TRABD2B: variants seen among roughly 807,000 people sequenced by gnomAD.
TRABD2B encodes TraB domain containing 2B, also known as metalloprotease TIKI2.
Under a neutral mutation model 40.1 loss-of-function variants are expected in TRABD2B, and 14 were observed. The ratio of observed to expected loss-of-function variants is 0.35; its 90% CI spans 0.23 to 0.55. The LOEUF (loss-of-function observed/expected upper bound fraction) is 0.55. Among genes scored for constraint, TRABD2B ranks in the 20% least tolerant of loss-of-function variants. The pLI, the probability that TRABD2B is intolerant of heterozygous loss-of-function variation, is 0.90. For synonymous variants in TRABD2B, 263 were observed against 277.0 expected, an observed-to-expected ratio of 0.95 and a Z score of 0.50; for missense variants, 541 against 648.6, an observed-to-expected ratio of 0.83 and a Z score of 1.80.
At chr1:47,878,669 G>A (rs1320625834) in intron 2 of TRABD2B, among the ~76,000 whole-genome samples, 2 of 152,228 alleles carry the variant, frequency 1.3e-5, no homozygotes, top group Non-Finnish European at 2.9e-5. Flanking sequence ...TCTCTTGAGA[G>A]GCAGGGGCCA....
At chr1:47,856,760 T>C (rs182189800) in intron 2 of TRABD2B, among the ~76,000 whole-genome samples, 1 of 152,352 alleles carries the variant, frequency 6.6e-6, no homozygotes, top group African/African-American at 2.4e-5. Flanking sequence ...AAGAGATTTA[T>C]TACTCCCACA....
chr1:47,875,583 AGGCTGAGGTGG>A (rs1644211044), intron 2 of TRABD2B, among the ~76,000 whole-genome samples: 1 of 149,254 alleles, frequency 6.7e-6, no homozygotes, highest in Non-Finnish European at 1.5e-5. Flanking sequence ...GCTACTCAGA[AGGCTGAGGTGG>A]GGGCATCACT....
At chr1:47,901,663 T>C (rs1422348826) in intron 2 of TRABD2B, among the ~76,000 whole-genome samples, 1 of 152,184 alleles carries the variant, frequency 6.6e-6, no homozygotes, top group African/African-American at 2.4e-5. Context: ...ACATAAGAAG[T>C]AACACTGATA....
intron 5 of TRABD2B, among the ~76,000 whole-genome samples, chr1:47,776,293 G>GC (rs1378892179): frequency 1.3e-5 from 2 of 152,186 alleles, no homozygotes; most frequent in Non-Finnish European, 2.9e-5. Flanking sequence ...TGGGTCCACA[G>GC]CCCGGCTCCA....
At position 47,996,692 on chromosome 1, in the gene TRABD2B, C is replaced by T. The variant is rs1646097340; in HGVS notation, c.98G>A (p.Gly33Glu). Reference protein sequence around the residue: ...PPDGGQCRPPGSQRDLNSFLW... With the variant: ...PPDGGQCRPPESQRDLNSFLW... ...GCCGGGCAGGCGCTCGCTCACCGAT[C>T]CGGGCGGCCGGCACTGTCCTCCGTC... Residue 33 changes from glycine (G) to glutamate (E), a missense_variant, in exon 1 of 7, where the codon GGA (glycine) becomes GAA (glutamate). Around this residue, in one of 2 missense-constraint regions of TRABD2B, gnomAD observed 369 missense variants for 492.8 expected, o/e 0.75. Transcript: ENST00000606738. This position sits in a 1 kb window ranked among gnomAD's most constrained non-coding sequence, Gnocchi z 4.6. The T allele has an allele frequency of 6.5e-6, 8 of 1,229,096 alleles. 1 individual carries two copies. The South Asian group carries it at 3.3e-4, about 50-fold the overall frequency. 76.1% of individuals were successfully genotyped at this position (1,229,096 alleles called of 1,614,324 possible).
At chr1:47,955,070 G>C (rs913252996) in intron 2 of TRABD2B, among the ~76,000 whole-genome samples, 1 of 152,144 alleles carries the variant, frequency 6.6e-6, no homozygotes, top group Non-Finnish European at 1.5e-5. Flanking sequence ...TCTACCCACA[G>C]CTGGCCTCTT....
chr1:47,917,070 GACGC>G (rs1434160980), intron 2 of TRABD2B, among the ~76,000 whole-genome samples: 1 of 152,244 alleles, frequency 6.6e-6, no homozygotes, highest in East Asian at 1.9e-4. Flanking sequence ...CAGGGTCAGA[GACGC>G]ATCCAGACCC....
chr1:47,890,517 T>C (rs1246322093), intron 2 of TRABD2B, among the ~76,000 whole-genome samples: 1 of 152,158 alleles, frequency 6.6e-6, no homozygotes, highest in Non-Finnish European at 1.5e-5. Context: ...GGCATCAGTG[T>C]TCTACAGGGT....
Position 47,903,945 on chromosome 1 carries a change from C to T in TRABD2B, c.666+90089G>A, listed in dbSNP as rs1644639955. Among the ~76,000 whole-genome samples the T allele has an allele frequency of 2.0e-5, 3 of 152,204 alleles. No individual in the cohort carries two copies. The South Asian group carries it at 6.2e-4, about 31-fold the overall frequency. ...TCAGGTCACTCTCCTGCCTCTGCCTCCTGCTCTGAGGTGTCTCTCCTTGAC... is the reference window on the plus strand; with the variant it reads ...TCAGGTCACTCTCCTGCCTCTGCCTTCTGCTCTGAGGTGTCTCTCCTTGAC... On this transcript the variant is annotated intron_variant, in intron 2 of 6. Coordinates refer to ENST00000606738, the MANE Select transcript of TRABD2B (RefSeq NM_001194986.2).
chr1:47,958,502 G>C (rs11485685), intron 2 of TRABD2B, among the ~76,000 whole-genome samples: 17,787 of 126,908 alleles, frequency 0.14, 1,478 homozygotes, highest in East Asian at 0.34. Flanking sequence ...TCAAAATAAA[G>C]GGATGGATGA....
intron 2 of TRABD2B, among the ~76,000 whole-genome samples, chr1:47,956,668 G>A (rs542205280): frequency 8.5e-4 from 129 of 152,354 alleles, no homozygotes; most frequent in African/African-American, 3.0e-3. Flanking sequence ...AGGGGCGCCC[G>A]CCATTGCTGA....
intron 6 of TRABD2B, 77 bp from the exon 7 acceptor site, chr1:47,766,183 A>T (rs1183797350): frequency 2.9e-6 from 2 of 682,660 alleles, no homozygotes; most frequent in African/African-American, 3.6e-5. Flanking sequence ...CTCAGATCTG[A>T]TTTTTTCAGG....
chr1:47,952,456 C>T (rs1645359083), intron 2 of TRABD2B, among the ~76,000 whole-genome samples: 1 of 152,206 alleles, frequency 6.6e-6, no homozygotes, highest in South Asian at 2.1e-4. Flanking sequence ...CCACAATGGC[C>T]ACAAACAGAA....
intron 2 of TRABD2B, among the ~76,000 whole-genome samples, chr1:47,870,907 A>G (rs1347866648): frequency 1.3e-5 from 2 of 152,174 alleles, no homozygotes; most frequent in Non-Finnish European, 2.9e-5. Context: ...AGGCAGGGAG[A>G]ACAGCATATG....
intron 2 of TRABD2B, among the ~76,000 whole-genome samples, chr1:47,847,800 C>T (rs924448174): frequency 1.3e-5 from 2 of 152,332 alleles, no homozygotes; most frequent in South Asian, 2.1e-4. Flanking sequence ...CCTTATAAAT[C>T]GGCCGAGCTG....
intron 2 of TRABD2B, among the ~76,000 whole-genome samples, chr1:47,926,685 G>A (rs951220049): frequency 6.6e-6 from 1 of 152,168 alleles, no homozygotes; most frequent in Non-Finnish European, 1.5e-5. Context: ...AGGGGTTGGA[G>A]AGAATGGGGA....
At chr1:47,828,389 G>T (rs1447400644) in intron 2 of TRABD2B, among the ~76,000 whole-genome samples, 1 of 152,208 alleles carries the variant, frequency 6.6e-6, no homozygotes, top group African/African-American at 2.4e-5. Context: ...GCAGAGGGGT[G>T]AGTGGCGACC....
intron 2 of TRABD2B, among the ~76,000 whole-genome samples, chr1:47,926,207 A>T (rs541451194): frequency 2.0e-5 from 3 of 152,204 alleles, no homozygotes; most frequent in Non-Finnish European, 4.4e-5. Flanking sequence ...CTCAAAAATA[A>T]AAAGAAGAAG....
chr1:47,971,299 T>G (rs1033157992), intron 2 of TRABD2B, among the ~76,000 whole-genome samples: 2 of 152,224 alleles, frequency 1.3e-5, no homozygotes, highest in East Asian at 3.8e-4. Context: ...CCTGCTATCC[T>G]GGTGGTATGA....
Sources: allele counts gnomAD v4.1 joint callset (sites outside exome capture counted in the v4.1 genomes callset), GRCh38; gene constraint gnomAD v4.1.1; regional missense constraint gnomAD v4.1.1; non-coding constraint Gnocchi (gnomAD v3.1); transcripts MANE v1.5; gene names NCBI Gene and HGNC (gene_info 2026-07-23, HGNC 2026-07-21).